Variants in DLG1 observed in about 807,000 individuals in gnomAD.
DLG1 encodes the protein discs large MAGUK scaffold protein 1.
In DLG1, 42 loss-of-function variants were observed where a neutral mutation model predicts 123.4. The ratio of observed to expected loss-of-function variants is 0.34; its 90% confidence interval spans 0.27 to 0.44. The LOEUF (loss-of-function observed/expected upper bound fraction) is 0.44. Ranked by LOEUF, DLG1 falls within the 20% of genes least tolerant of loss-of-function variation. DLG1 has a pLI of 1.00. For synonymous variants in DLG1, 317 were observed against 356.2 expected, an observed-to-expected ratio of 0.89 and a Z score of 1.24; for missense variants, 942 against 1,082.6, an observed-to-expected ratio of 0.87 and a Z score of 1.82.
At chr3:197,227,351 T>TGTA (rs1005097571) in intron 4 of DLG1, among the ~76,000 whole-genome samples, 6 of 152,058 alleles carry the variant, frequency 3.9e-5, no homozygotes, top group Non-Finnish European at 7.4e-5. Flanking sequence ...GGTACGCACC[T>TGTA]GTAGTCCCAG....
At chr3:197,106,545 C>A (rs1579307295) in intron 13 of DLG1, among the ~76,000 whole-genome samples, 1 of 151,868 alleles carries the variant, frequency 6.6e-6, no homozygotes, top group Non-Finnish European at 1.5e-5. Flanking sequence ...ATAAACAGTT[C>A]TACTTAGTGC....
intron 5 of DLG1, among the ~76,000 whole-genome samples, chr3:197,181,058 T>C (rs1711510673): frequency 1.3e-5 from 2 of 152,098 alleles, no homozygotes; most frequent in Non-Finnish European, 2.9e-5. Flanking sequence ...TAGTAGAAAA[T>C]GGCACATAAT....
intron 18 of DLG1, among the ~76,000 whole-genome samples, chr3:197,071,520 T>C (rs1208452120): frequency 6.6e-6 from 1 of 152,002 alleles, no homozygotes; most frequent in African/African-American, 2.4e-5. Context: ...TTAGCTCTTC[T>C]ACAATAAAGC....
chr3:197,270,485 G>C (rs998249093), intron 4 of DLG1, among the ~76,000 whole-genome samples: 5 of 152,148 alleles, frequency 3.3e-5, no homozygotes, highest in South Asian at 2.1e-4. Context: ...AGAAGGAACA[G>C]AAGTTCATCC....
chr3:197,244,969 G>C (rs1432764992), intron 4 of DLG1, among the ~76,000 whole-genome samples: 5 of 152,238 alleles, frequency 3.3e-5, no homozygotes, highest in Non-Finnish European at 7.3e-5. Context: ...TGAAGTGTGA[G>C]TAAGGCAGCC....
At chr3:197,297,291 T>C (rs2151306775) in intron 1 of DLG1, 56 bp from the exon 2 acceptor site, 1 of 1,595,658 alleles carries the variant, frequency 6.3e-7, no homozygotes, top group East Asian at 2.2e-5. Flanking sequence ...ACTAGCATTT[T>C]CCCCTATCGA....
chr3:197,215,208 A>C lies in DLG1; in HGVS notation c.319-20619T>G, dbSNP rs539701945. ...AGATAATGCGTAATGGCACAGGGTT[A>C]GACAGGCTGATGACTGGAACATAAG... On this transcript the variant is annotated intron_variant, in intron 4 of 24. Transcript: ENST00000667157. 4.6e-5 allele frequency among the ~76,000 whole-genome samples: 7 copies of C among 152,328 alleles called. No homozygotes were observed. In the East Asian group the frequency reaches 1.2e-3, roughly 25 times the overall value.
At chr3:197,160,433 C>T (rs939315728) in intron 5 of DLG1, among the ~76,000 whole-genome samples, 1 of 150,558 alleles carries the variant, frequency 6.6e-6, no homozygotes, top group East Asian at 1.9e-4. Context: ...TATTATGATG[C>T]CATAATAACC....
chr3:197,126,273 C>T (rs1322678544), intron 11 of DLG1, among the ~76,000 whole-genome samples: 4 of 151,786 alleles, frequency 2.6e-5, no homozygotes, highest in South Asian at 2.1e-4. Flanking sequence ...GTCGGGAGTT[C>T]GAGACCAGCC....
intron 24 of DLG1, 119 bp downstream of exon 24, chr3:197,051,457 AT>A (rs1727667247): frequency 1.4e-6 from 1 of 723,624 alleles, no homozygotes; most frequent in South Asian, 1.8e-5. Flanking sequence ...CCTAGGCTGG[AT>A]GATACTAGTT....
chr3:197,159,287 G>C (rs1239830304), intron 5 of DLG1, among the ~76,000 whole-genome samples: 2 of 152,166 alleles, frequency 1.3e-5, no homozygotes, highest in Non-Finnish European at 2.9e-5. Flanking sequence ...TGATCAATGT[G>C]AAAGTACTCT....
chr3:197,068,457 T>A (rs745530494), intron 19 of DLG1: 2 of 1,299,328 alleles, frequency 1.5e-6, no homozygotes, highest in Non-Finnish European at 2.2e-6. Context: ...AAGTATATAC[T>A]GTCAACATGA....
At chr3:197,202,928 T>C (rs9839886) in intron 4 of DLG1, among the ~76,000 whole-genome samples, 1 of 151,928 alleles carries the variant, frequency 6.6e-6, no homozygotes, top group Non-Finnish European at 1.5e-5. Flanking sequence ...TAGATTTGTC[T>C]TAACAGTGAC....
intron 11 of DLG1, among the ~76,000 whole-genome samples, chr3:197,120,274 AAAAAAAAAAAAAAAAAAGC>A (rs1453431930): frequency 1.7e-4 from 2 of 11,972 alleles, no homozygotes; most frequent in African/African-American, 8.1e-4. Flanking sequence ...CTCGAGAAAG[AAAAAAAAAAAAAAAAAAGC>A]AAAAACCAAA....
intron 4 of DLG1, among the ~76,000 whole-genome samples, chr3:197,245,909 G>T (rs1473967884): frequency 7.1e-6 from 1 of 141,694 alleles, no homozygotes; most frequent in African/African-American, 2.6e-5. Flanking sequence ...TTGGGGGGGG[G>T]GGAGGTGGCA....
intron 18 of DLG1, among the ~76,000 whole-genome samples, chr3:197,072,754 G>A (rs1032258899): frequency 6.6e-6 from 1 of 151,152 alleles, no homozygotes; most frequent in Non-Finnish European, 1.5e-5. Context: ...GAGCAGTGGC[G>A]TGATCTCGGC....
At chr3:197,072,834 T>C (rs181187967) in intron 18 of DLG1, among the ~76,000 whole-genome samples, 1 of 152,066 alleles carries the variant, frequency 6.6e-6, no homozygotes, top group African/African-American at 2.4e-5. Flanking sequence ...GTAGCTTGGA[T>C]TACAGGTGTG....
intron 4 of DLG1, among the ~76,000 whole-genome samples, chr3:197,250,321 G>A (rs930252888): frequency 1.3e-4 from 20 of 152,196 alleles, no homozygotes; most frequent in African/African-American, 4.1e-4. Flanking sequence ...TGTAATCCCA[G>A]CACTTTGGGA....
chr3:197,249,766 C>T (rs796447266), intron 4 of DLG1, among the ~76,000 whole-genome samples: 19 of 152,272 alleles, frequency 1.2e-4, no homozygotes, highest in African/African-American at 4.3e-4. Flanking sequence ...GTGACATACA[C>T]AAACCAATAA....
Sources: allele counts gnomAD v4.1 joint callset (sites outside exome capture counted in the v4.1 genomes callset), GRCh38; gene constraint gnomAD v4.1.1; transcripts MANE v1.5; gene names NCBI Gene and HGNC (gene_info 2026-07-23, HGNC 2026-07-21).